Variants in FMN1 observed in about 807,000 individuals in gnomAD.
The protein encoded by FMN1 is formin 1.
A neutral mutation model predicts 132.4 loss-of-function variants in FMN1; 110 were observed. The observed-to-expected ratio is 0.83, with a 90% CI of 0.71 to 0.97. FMN1 has a LOEUF of 0.97. Among genes scored for constraint, FMN1 ranks in the 50% least tolerant of loss-of-function variants. The pLI is 0.00. For synonymous variants in FMN1, 722 were observed against 651.7 expected (o/e 1.11, Z -1.64); for missense variants, 1,792 against 1,705.3 (o/e 1.05, Z -0.90).
intron 7 of FMN1, among the ~76,000 whole-genome samples, chr15:32,985,933 A>G (rs1219327887): frequency 6.6e-6 from 1 of 152,150 alleles, no homozygotes; most frequent in Non-Finnish European, 1.5e-5. Flanking sequence ...CTTCAATAAC[A>G]TTAAGGGGCC....
chr15:33,188,906 T>C (rs2140358100), intron 2 of FMN1, among the ~76,000 whole-genome samples: 1 of 152,280 alleles, frequency 6.6e-6, no homozygotes, highest in East Asian at 1.9e-4. Context: ...TTTTCTCCAC[T>C]GTATAACTAG....
At chr15:32,847,066 C>T (rs143581430) in intron 17 of FMN1, among the ~76,000 whole-genome samples, 82 of 152,288 alleles carry the variant, frequency 5.4e-4, no homozygotes, top group African/African-American at 1.9e-3. Context: ...GCTCCAGAGT[C>T]TCATCAAACT....
At chr15:33,045,209 C>T (rs2036622825) in intron 6 of FMN1, among the ~76,000 whole-genome samples, 1 of 152,250 alleles carries the variant, frequency 6.6e-6, no homozygotes, top group Middle Eastern at 3.2e-3. Context: ...ATGCTCGCAC[C>T]TGGAGCTGCC....
chr15:32,943,574 CATTCT>C (rs893472620), intron 9 of FMN1, among the ~76,000 whole-genome samples: 23 of 152,156 alleles, frequency 1.5e-4, no homozygotes, highest in African/African-American at 5.3e-4. Context: ...CTCTTTAAGA[CATTCT>C]TGTGGAGTGG....
intron 7 of FMN1, among the ~76,000 whole-genome samples, chr15:32,980,246 C>T (rs1457953739): frequency 6.6e-6 from 1 of 151,386 alleles, no homozygotes; most frequent in Non-Finnish European, 1.5e-5. Context: ...ATCTTAATTC[C>T]TTAAGAAATG....
intron 7 of FMN1, among the ~76,000 whole-genome samples, chr15:32,993,180 C>T (rs1181068340): frequency 6.6e-6 from 1 of 152,122 alleles, no homozygotes; most frequent in African/African-American, 2.4e-5. Flanking sequence ...TTCCAATACA[C>T]ATTCACTTCC....
In FMN1 at chr15:32,781,976, G is replaced by C. The variant is rs112235003; in HGVS notation, c.4131-5057C>G. ...TTGCTTTTACTGTTCCCTCAATGAC[G>C]GTCTGAGTCATTTCCATGCATGCAA... On this transcript the variant is annotated intron_variant, in intron 19 of 20. Coordinates refer to ENST00000616417, the MANE Select transcript of FMN1 (RefSeq NM_001277313.2). Among the ~76,000 whole-genome samples the C allele has an allele frequency of 4.3e-3, 654 of 152,138 alleles. 4 individuals carry two copies. The highest frequency in any genetic ancestry group is 0.015 in the African/African-American group (620 of 41,482).
chr15:32,989,310 T>A (rs343930), intron 7 of FMN1, among the ~76,000 whole-genome samples: 114,349 of 152,112 alleles, frequency 0.75, 44,323 homozygotes, highest in East Asian at 0.97. Context: ...ATGTGAGAAC[T>A]AGTCTGCTAA....
intron 8 of FMN1, 38 bp from the exon 9 acceptor site, chr15:32,964,295 A>C: frequency 6.8e-7 from 1 of 1,464,410 alleles, no homozygotes; most frequent in South Asian, 1.3e-5. Context: ...ATAAGAACCA[A>C]AACAGGAAGG....
At position 32,900,349 on chromosome 15, in the gene FMN1, C is replaced by T. The variant is rs923743865; in HGVS notation, c.3508-224G>A. ...CCACTCAAATTAATTATAAACAGTG[C>T]ATGTTTTAATACATGAGGATTAACT... On this transcript the variant is annotated intron_variant, in intron 13 of 20. Coordinates refer to ENST00000616417, the MANE Select transcript of FMN1 (RefSeq NM_001277313.2). 2.9e-5 allele frequency: 20 copies of T among 683,054 alleles called. No homozygotes were observed. In the East Asian group the frequency reaches 5.0e-4, roughly 17 times the overall value. 42.3% of individuals were successfully genotyped at this position (683,054 alleles called of 1,614,324 possible).
Position 33,088,870 on chromosome 15 carries a change from G to A in FMN1, c.1972C>T (p.Pro658Ser), listed in dbSNP as rs2038800991. The A allele has an allele frequency of 2.0e-6, 3 of 1,535,750 alleles. No individual in the cohort carries two copies. The highest frequency in any genetic ancestry group is 1.4e-5 in the African/African-American group (1 of 72,972). Residue 658 changes from proline to serine, a missense_variant, in exon 5 of 21, where the codon CCA becomes TCA. Transcript: ENST00000616417. ...GAWVLGYRAG[P>S]ACPFLLHEER... is the part of the protein sequence containing the mutation. ...TCATGAAGCAAAAATGGACAGGCTG[G>A]TCCCGCTCTGTAGCCCAGAACCCAC...
At chr15:32,785,170 G>C (rs1310284677) in intron 19 of FMN1, among the ~76,000 whole-genome samples, 26 of 11,926 alleles carry the variant, frequency 2.2e-3, no homozygotes, top group African/African-American at 5.3e-3. Flanking sequence ...ACGTGTGTGT[G>C]TGTGTGTGTG....
intron 4 of FMN1, among the ~76,000 whole-genome samples, chr15:33,129,527 G>A (rs1425383591): frequency 6.6e-6 from 1 of 152,126 alleles, no homozygotes; most frequent in African/African-American, 2.4e-5. Context: ...ATATGCTGAT[G>A]CCCACTTCCT....
intron 4 of FMN1, among the ~76,000 whole-genome samples, chr15:33,120,415 C>CAAT (rs1962439698): frequency 6.6e-6 from 1 of 152,092 alleles, no homozygotes; most frequent in South Asian, 2.1e-4. Context: ...GAGTGGTTAG[C>CAAT]TACTGCACTT....
chr15:33,021,955 C>A (rs1162483518), intron 6 of FMN1, among the ~76,000 whole-genome samples: 1 of 152,146 alleles, frequency 6.6e-6, no homozygotes, highest in Non-Finnish European at 1.5e-5. Context: ...AATAAAATTT[C>A]AACTACAATT....
rs1228004894 is a variant in FMN1 at position 33,148,788 on chromosome 15, C to A, written c.1867+4260G>T. On this transcript the variant is annotated intron_variant, in intron 4 of 20. Transcript: ENST00000616417. Reference sequence around the variant, plus strand: ...CTTCCGTTGGTTTCTGGATTATGCTCTATCCTCATCCTATCCCTACCTCCT... The same window carrying A: ...CTTCCGTTGGTTTCTGGATTATGCTATATCCTCATCCTATCCCTACCTCCT... 2.6e-5 allele frequency among the ~76,000 whole-genome samples: 4 copies of A among 152,194 alleles called. No individual in the cohort carries two copies. The South Asian group carries it at 8.3e-4, about 32-fold the overall frequency.
Position 32,777,172 on chromosome 15 carries a change from T to A in FMN1, c.4131-253A>T, listed in dbSNP as rs544927688. Among the ~76,000 whole-genome samples the A allele has an allele frequency of 1.0e-3, 153 of 152,274 alleles. 4 individuals carry two copies. In the South Asian group the frequency reaches 0.03, roughly 30 times the overall value. On this transcript the variant is annotated intron_variant, in intron 19 of 20. Coordinates refer to ENST00000616417, the MANE Select transcript of FMN1 (RefSeq NM_001277313.2). ...AGCTGAAGCCTGTTTTTGTGAACAA[T>A]GTGGTAGTTTCTGATGGATGGAGTA...
chr15:32,780,941 CA>C (rs1350189949), intron 19 of FMN1, among the ~76,000 whole-genome samples: 1 of 152,072 alleles, frequency 6.6e-6, no homozygotes, highest in Non-Finnish European at 1.5e-5. Context: ...TGAAAGTATT[CA>C]AAATAGACTA....
intron 17 of FMN1, among the ~76,000 whole-genome samples, chr15:32,815,416 C>T (rs1187834480): frequency 6.6e-6 from 1 of 151,872 alleles, no homozygotes; most frequent in Non-Finnish European, 1.5e-5. Flanking sequence ...TTTGGGTTTC[C>T]CATAACTGCC....
Sources: allele counts gnomAD v4.1 joint callset (sites outside exome capture counted in the v4.1 genomes callset), GRCh38; gene constraint gnomAD v4.1.1; transcripts MANE v1.5; gene names NCBI Gene and HGNC (gene_info 2026-07-23, HGNC 2026-07-21).